KIAA1217: variants seen among roughly 807,000 people sequenced by gnomAD.
The protein encoded by KIAA1217 is KIAA1217, also known as sickle tail protein homolog.
Under a neutral mutation model 163.9 loss-of-function variants are expected in KIAA1217, and 88 were observed. The ratio of observed to expected loss-of-function variants is 0.54; its 90% CI spans 0.45 to 0.64. KIAA1217 has a LOEUF of 0.64. Ranked by LOEUF, KIAA1217 falls within the 30% of genes least tolerant of loss-of-function variation. KIAA1217 has a pLI of 0.00. For synonymous variants in KIAA1217, 903 were observed against 923.1 expected (o/e 0.98, Z 0.39); for missense variants, 2,372 against 2,475.0 (o/e 0.96, Z 0.88).
intron 2 of KIAA1217, among the ~76,000 whole-genome samples, chr10:24,104,997 T>G (rs1421635066): frequency 1.1e-4 from 17 of 152,182 alleles, no homozygotes; most frequent in Admixed American, 1.1e-3. Flanking sequence ...TGTAATTTTC[T>G]ACTTGGAATT....
intron 2 of KIAA1217, among the ~76,000 whole-genome samples, chr10:24,018,645 G>C (rs1460412194): frequency 6.6e-6 from 1 of 151,788 alleles, no homozygotes; most frequent in Non-Finnish European, 1.5e-5. Context: ...GAAAACCGTA[G>C]AGATATTCCT....
chr10:24,169,845 A>C (rs900379548), intron 2 of KIAA1217, among the ~76,000 whole-genome samples: 1 of 152,196 alleles, frequency 6.6e-6, no homozygotes, highest in Non-Finnish European at 1.5e-5. Context: ...TAGGACATAA[A>C]GTATTCCACA....
chr10:24,410,166 T>G (rs1401082258), intron 3 of KIAA1217, among the ~76,000 whole-genome samples: 2 of 152,024 alleles, frequency 1.3e-5, no homozygotes, highest in East Asian at 3.9e-4. Context: ...CCAGCTAATT[T>G]TGTATTTTTA....
At chr10:24,046,209 CT>C (rs1297778121) in intron 2 of KIAA1217, among the ~76,000 whole-genome samples, 1 of 151,996 alleles carries the variant, frequency 6.6e-6, no homozygotes, top group African/African-American at 2.4e-5. Flanking sequence ...TAGCTTCCAT[CT>C]CTTATATATT....
chr10:24,054,951 A>C (rs1008574466), intron 2 of KIAA1217, among the ~76,000 whole-genome samples: 1 of 152,176 alleles, frequency 6.6e-6, no homozygotes, highest in Non-Finnish European at 1.5e-5. Flanking sequence ...GTTATGCAGC[A>C]CATGACTATA....
At chr10:24,240,686 T>C (rs2072964789) in intron 2 of KIAA1217, among the ~76,000 whole-genome samples, 4 of 152,186 alleles carry the variant, frequency 2.6e-5, no homozygotes, top group African/African-American at 9.7e-5. Flanking sequence ...GTTGTGAGGA[T>C]TAAATAACAA....
chr10:24,244,473 T>A (rs944633009), intron 2 of KIAA1217, among the ~76,000 whole-genome samples: 2 of 152,136 alleles, frequency 1.3e-5, no homozygotes, highest in South Asian at 2.1e-4. Flanking sequence ...TCTCTTCAGA[T>A]GTCTGGCCAC....
intron 2 of KIAA1217, among the ~76,000 whole-genome samples, chr10:24,224,678 T>G (rs930758475): frequency 5.2e-4 from 79 of 152,132 alleles, no homozygotes; most frequent in Non-Finnish European, 4.4e-4. Flanking sequence ...AAATAGTATC[T>G]ACATCATGGA....
At chr10:24,096,500 G>A (rs1256280795) in intron 2 of KIAA1217, among the ~76,000 whole-genome samples, 1 of 152,062 alleles carries the variant, frequency 6.6e-6, no homozygotes, top group Non-Finnish European at 1.5e-5. Flanking sequence ...TCTGCTTTAG[G>A]CCTGCTGTGA....
chr10:24,386,016 C>T (rs1391703504), intron 3 of KIAA1217, among the ~76,000 whole-genome samples: 1 of 152,190 alleles, frequency 6.6e-6, no homozygotes, highest in Non-Finnish European at 1.5e-5. Context: ...GATGTTCCCA[C>T]TCTTCTGTGA....
intron 1 of KIAA1217, among the ~76,000 whole-genome samples, chr10:23,989,000 G>A (rs969115095): frequency 2.0e-5 from 3 of 152,120 alleles, no homozygotes; most frequent in Non-Finnish European, 4.4e-5. Context: ...TTGCTGATGT[G>A]ATTAATTAAA....
intron 2 of KIAA1217, among the ~76,000 whole-genome samples, chr10:24,243,390 G>A (rs534497332): frequency 1.3e-5 from 2 of 152,140 alleles, no homozygotes; most frequent in Non-Finnish European, 2.9e-5. Flanking sequence ...ATAACCCATA[G>A]GTAATTTTTC....
chr10:24,115,800 T>C (rs2063029374), intron 2 of KIAA1217, among the ~76,000 whole-genome samples: 1 of 152,214 alleles, frequency 6.6e-6, no homozygotes, highest in Non-Finnish European at 1.5e-5. Flanking sequence ...GGGAGGTTCC[T>C]GGATACGGGG....
chr10:23,920,470 C>A (rs981090508), intron 1 of KIAA1217, among the ~76,000 whole-genome samples: 1 of 152,206 alleles, frequency 6.6e-6, no homozygotes, highest in Non-Finnish European at 1.5e-5. Flanking sequence ...ATTCACTGGT[C>A]TCCTTGAGGT....
At position 24,520,118 on chromosome 10, in the gene KIAA1217, C is replaced by T. The variant is rs755474965; in HGVS notation, c.2178-5C>T. On this transcript the variant is annotated splice_polypyrimidine_tract_variant and splice_region_variant and intron_variant, in intron 10 of 20. Coordinates refer to ENST00000376454, the MANE Select transcript of KIAA1217 (RefSeq NM_019590.5). ...CTCTATGTGCTGGTGTCCTTGCTCC[C>T]GCAGCGAGTTGGAAGACTTTGTTGA... The T allele has an allele frequency of 4.3e-6, 7 of 1,613,514 alleles. No homozygotes were observed. The Admixed American group carries it at 6.7e-5, about 15-fold the overall frequency.
intron 2 of KIAA1217, among the ~76,000 whole-genome samples, chr10:24,113,630 A>G (rs2062939616): frequency 6.6e-6 from 1 of 152,160 alleles, no homozygotes; most frequent in African/African-American, 2.4e-5. Flanking sequence ...AAATGACACC[A>G]CTGAGCAGAG....
At chr10:24,394,844 C>T (rs1420419904) in intron 3 of KIAA1217, among the ~76,000 whole-genome samples, 1 of 152,204 alleles carries the variant, frequency 6.6e-6, no homozygotes, top group Non-Finnish European at 1.5e-5. Flanking sequence ...CTGCCGGTCT[C>T]TGTCTCCTTA....
At chr10:24,449,370 C>A (rs1265730212) in intron 5 of KIAA1217, 8 of 673,862 alleles carry the variant, frequency 1.2e-5, no homozygotes, top group Non-Finnish European at 1.5e-5. Context: ...ACAACATGAG[C>A]CATATTGTAT....
At chr10:24,359,056 TTTTCTTTTCTTTTCTTTCTTTCTTTC>T (rs1260562089) in intron 2 of KIAA1217, among the ~76,000 whole-genome samples, 258 of 137,278 alleles carry the variant, frequency 1.9e-3, no homozygotes, top group African/African-American at 6.5e-3. Context: ...TTTCTTTCTT[TTTTCTTTTCTTTTCTTTCTTTCTTTC>T]TTTTTTTTTT....
Sources: allele counts gnomAD v4.1 joint callset (sites outside exome capture counted in the v4.1 genomes callset), GRCh38; gene constraint gnomAD v4.1.1; transcripts MANE v1.5; gene names NCBI Gene and HGNC (gene_info 2026-07-23, HGNC 2026-07-21).